The following GUCY1A2 variants were observed in gnomAD, a reference collection of about 807,000 sequenced individuals.
The protein encoded by GUCY1A2 is guanylate cyclase 1 soluble subunit alpha 2.
A neutral mutation model predicts 63.5 loss-of-function variants in GUCY1A2; 27 were observed. The observed-to-expected ratio is 0.43, with a 90% CI of 0.31 to 0.59. The LOEUF (loss-of-function observed/expected upper bound fraction) is 0.59. Among genes scored for constraint, GUCY1A2 ranks in the 20% least tolerant of loss-of-function variants. GUCY1A2 has a pLI of 0.11. For missense variants in GUCY1A2, 768 were observed against 913.3 expected, an observed-to-expected ratio of 0.84 and a Z score of 2.05; for synonymous variants, 364 against 343.5, an observed-to-expected ratio of 1.06 and a Z score of -0.66.
intron 4 of GUCY1A2, among the ~76,000 whole-genome samples, chr11:106,828,996 A>G (rs1252270478): frequency 6.6e-6 from 1 of 152,224 alleles, no homozygotes; most frequent in Non-Finnish European, 1.5e-5. Context: ...TCGCACTGCT[A>G]TATTTTATAA....
rs188311301 is a variant in GUCY1A2 at position 106,864,551 on chromosome 11, G to A, written c.1207-54073C>T. Among the ~76,000 whole-genome samples, 15 of 152,202 alleles carry A rather than the reference G, an allele frequency of 9.9e-5. No individual in the cohort carries two copies. The East Asian group carries it at 2.3e-3, about 24-fold the overall frequency. On this transcript the variant is annotated intron_variant, in intron 4 of 7. Coordinates refer to ENST00000526355, the MANE Select transcript of GUCY1A2 (RefSeq NM_000855.3). ...GCCCATTCTGCATGATATGGGCGATGGGTTTGTCATAAATAGCTCTTATTA... is the reference window on the plus strand; with the variant it reads ...GCCCATTCTGCATGATATGGGCGATAGGTTTGTCATAAATAGCTCTTATTA...
chr11:106,906,924 G>A (rs188661557), intron 4 of GUCY1A2, among the ~76,000 whole-genome samples: 154 of 152,228 alleles, frequency 1.0e-3, no homozygotes, highest in African/African-American at 3.6e-3. Flanking sequence ...TTCACACATT[G>A]GGGCCTGTCA....
intron 7 of GUCY1A2, among the ~76,000 whole-genome samples, chr11:106,706,549 T>TG (rs1862915786): frequency 6.6e-6 from 1 of 151,834 alleles, no homozygotes; most frequent in Non-Finnish European, 1.5e-5. Flanking sequence ...GGCAGAGTTT[T>TG]TTTTTTTTTT....
chr11:106,854,796 T>C (rs576794879), intron 4 of GUCY1A2, among the ~76,000 whole-genome samples: 82 of 152,012 alleles, frequency 5.4e-4, no homozygotes, highest in African/African-American at 1.9e-3. Context: ...AGTTGTGAAG[T>C]TGGAGTGGAG....
intron 3 of GUCY1A2, among the ~76,000 whole-genome samples, chr11:106,948,384 G>A (rs958580870): frequency 2.6e-5 from 4 of 152,108 alleles, no homozygotes; most frequent in Non-Finnish European, 5.9e-5. Context: ...TAGTTCAGCA[G>A]TGGAAAATAT....
intron 3 of GUCY1A2, among the ~76,000 whole-genome samples, chr11:106,946,412 C>T (rs147740851): frequency 2.4e-4 from 36 of 151,968 alleles, no homozygotes; most frequent in Non-Finnish European, 4.0e-4. Flanking sequence ...ATATAGCTCA[C>T]GGATTAAAGT....
intron 1 of GUCY1A2, among the ~76,000 whole-genome samples, chr11:106,986,975 T>C (rs954559076): frequency 2.6e-5 from 4 of 152,180 alleles, no homozygotes; most frequent in Non-Finnish European, 5.9e-5. Flanking sequence ...ACTTGGAGTT[T>C]CAGACTTAGA....
chr11:106,693,484 A>G (rs1231111688), intron 7 of GUCY1A2, among the ~76,000 whole-genome samples: 1 of 152,142 alleles, frequency 6.6e-6, no homozygotes, highest in Non-Finnish European at 1.5e-5. Flanking sequence ...TGGTACAATG[A>G]CAATTAGTGG....
intron 4 of GUCY1A2, among the ~76,000 whole-genome samples, chr11:106,925,932 G>A (rs537767578): frequency 1.3e-5 from 2 of 152,144 alleles, no homozygotes; most frequent in Non-Finnish European, 2.9e-5. Context: ...TCTGGTGATA[G>A]CAATCTCTGA....
At chr11:106,862,498 A>T (rs1018316477) in intron 4 of GUCY1A2, among the ~76,000 whole-genome samples, 1 of 151,964 alleles carries the variant, frequency 6.6e-6, no homozygotes, top group East Asian at 1.9e-4. Flanking sequence ...CAAACAACAA[A>T]CAAAAAAACC....
intron 3 of GUCY1A2, among the ~76,000 whole-genome samples, chr11:106,964,282 T>G (rs1293771062): frequency 4.6e-5 from 7 of 152,220 alleles, no homozygotes; most frequent in Non-Finnish European, 1.0e-4. Flanking sequence ...GTTTTTCTTG[T>G]GTCTTTAGTT....
chr11:106,781,112 CAAA>C (rs565279937), intron 5 of GUCY1A2, among the ~76,000 whole-genome samples: 79 of 89,000 alleles, frequency 8.9e-4, no homozygotes, highest in Middle Eastern at 0.013. Flanking sequence ...AAACAGACTA[CAAA>C]AAAAAAAAAA....
chr11:106,782,391 CTTTCT>C (rs1231435789), intron 5 of GUCY1A2, among the ~76,000 whole-genome samples: 1 of 152,156 alleles, frequency 6.6e-6, no homozygotes, highest in Non-Finnish European at 1.5e-5. Context: ...ATGAGAAATG[CTTTCT>C]TTTCTCTCTT....
intron 1 of GUCY1A2, among the ~76,000 whole-genome samples, chr11:107,001,283 C>A (rs1267553132): frequency 6.6e-6 from 1 of 152,158 alleles, no homozygotes; most frequent in African/African-American, 2.4e-5. Context: ...ACAGAAACAA[C>A]AAATATCTGC....
rs1346138982 is a variant in GUCY1A2 at position 106,791,435 on chromosome 11, A to G, written c.1693-14853T>C. On this transcript the variant is annotated intron_variant, in intron 5 of 7. Transcript: ENST00000526355. ...TTCAGCGATATGAAGTTTAAATCAG[A>G]TACTGTGAGTATTCACCTGATTCTG... 3.3e-5 allele frequency among the ~76,000 whole-genome samples: 5 copies of G among 152,154 alleles called. No homozygotes were observed. In the East Asian group the frequency reaches 9.7e-4, roughly 30 times the overall value.
At chr11:106,775,955 T>C (rs1158826764) in intron 6 of GUCY1A2, among the ~76,000 whole-genome samples, 2 of 152,126 alleles carry the variant, frequency 1.3e-5, no homozygotes, top group Non-Finnish European at 1.5e-5. Context: ...GTTTTTAAAG[T>C]TTTCACAGGC....
intron 4 of GUCY1A2, among the ~76,000 whole-genome samples, chr11:106,883,585 C>T (rs1859856692): frequency 1.3e-5 from 2 of 152,046 alleles, no homozygotes; most frequent in Non-Finnish European, 2.9e-5. Flanking sequence ...TCAGGTAAGG[C>T]TTCTCTGAAC....
At chr11:106,793,468 C>G (rs891720806) in intron 5 of GUCY1A2, among the ~76,000 whole-genome samples, 1 of 151,966 alleles carries the variant, frequency 6.6e-6, no homozygotes, top group African/African-American at 2.4e-5. Flanking sequence ...ACAACAACAA[C>G]ACAGTCAACA....
At chr11:106,781,432 C>T (rs1864461695) in intron 5 of GUCY1A2, among the ~76,000 whole-genome samples, 1 of 152,128 alleles carries the variant, frequency 6.6e-6, no homozygotes, top group African/African-American at 2.4e-5. Flanking sequence ...ATTACTATAG[C>T]TGCTTTTATA....
Sources: gnomAD v4.1 joint callset for allele counts (sites outside exome capture counted in the v4.1 genomes callset) on GRCh38, gnomAD v4.1.1 for gene constraint, MANE v1.5 for transcripts, NCBI Gene and HGNC (gene_info 2026-07-23, HGNC 2026-07-21) for gene names.